PRKAG2: variants seen among roughly 807,000 people sequenced by gnomAD.
PRKAG2 encodes the protein protein kinase AMP-activated non-catalytic subunit gamma 2, also known as 5'-AMP-activated protein kinase subunit gamma-2.
PRKAG2 carries 26 observed loss-of-function variants against 69.6 expected under a neutral mutation model. The ratio of observed to expected loss-of-function variants is 0.37; its 90% CI spans 0.27 to 0.52. PRKAG2 has a LOEUF of 0.52. Among genes scored for constraint, PRKAG2 ranks in the 20% least tolerant of loss-of-function variants. The pLI, the probability that PRKAG2 is intolerant of heterozygous loss-of-function variation, is 0.90. For missense variants in PRKAG2, 557 were observed against 740.0 expected (o/e 0.75, Z 2.87); for synonymous variants, 293 against 285.0 (o/e 1.03, Z -0.28).
chr7:151,668,439 A>G (rs1229044582), intron 4 of PRKAG2, among the ~76,000 whole-genome samples: 1 of 152,246 alleles, frequency 6.6e-6, no homozygotes, highest in Non-Finnish European at 1.5e-5. Context: ...TGGCAAAAGA[A>G]GAGCATAGAG....
intron 1 of PRKAG2, among the ~76,000 whole-genome samples, chr7:151,832,110 T>A (rs1395434715): frequency 6.6e-6 from 1 of 152,198 alleles, no homozygotes; most frequent in East Asian, 1.9e-4. Context: ...CAGACTCTTC[T>A]GAGGCCTGGG....
chr7:151,669,048 A>C (rs1379147995), intron 4 of PRKAG2, among the ~76,000 whole-genome samples: 1 of 152,210 alleles, frequency 6.6e-6, no homozygotes, highest in East Asian at 1.9e-4. Context: ...CAAGTGCTTG[A>C]TGTGCTCCCA....
At chr7:151,612,527 C>G (rs991204827) in intron 5 of PRKAG2, among the ~76,000 whole-genome samples, 8 of 152,190 alleles carry the variant, frequency 5.3e-5, no homozygotes, top group Admixed American at 5.2e-4. Flanking sequence ...GTGAAGCAAC[C>G]TGGGGAACCC....
At chr7:151,617,127 G>C (rs1429462175) in intron 5 of PRKAG2, among the ~76,000 whole-genome samples, 1 of 151,958 alleles carries the variant, frequency 6.6e-6, no homozygotes, top group Admixed American at 6.6e-5. Flanking sequence ...CGGGCTTGGT[G>C]GTGGGTGCCT....
intron 3 of PRKAG2, among the ~76,000 whole-genome samples, chr7:151,707,944 C>T (rs893599856): frequency 2.6e-5 from 4 of 152,334 alleles, no homozygotes; most frequent in Non-Finnish European, 4.4e-5. Context: ...AGAGAACTCT[C>T]GGCCCAACCC....
intron 5 of PRKAG2, among the ~76,000 whole-genome samples, chr7:151,613,589 C>A (rs551568429): frequency 1.3e-5 from 2 of 151,984 alleles, no homozygotes; most frequent in African/African-American, 4.8e-5. Context: ...CCTCTGGCTT[C>A]TGGGTTCAAG....
chr7:151,646,273 G>A (rs1237435324), intron 4 of PRKAG2, among the ~76,000 whole-genome samples: 1 of 152,124 alleles, frequency 6.6e-6, no homozygotes, highest in Non-Finnish European at 1.5e-5. Context: ...GATCAATTTG[G>A]GAAGAAATGA....
At position 151,675,583 on chromosome 7, in the gene PRKAG2, G is replaced by A. The variant is rs148056866; in HGVS notation, c.521C>T (p.Thr174Met). ...STPTQVTKQH[T>M]FPLESYKHEP... is the part of the protein sequence containing the mutation. ...GTGCTTATAGGATTCCAGGGGAAAC[G>A]TGTGCTGCTTGGTCACTTGGGTGGG... The change falls in exon 4 of 16, where the codon ACG becomes ATG. Residue 174 changes from threonine to methionine, a missense_variant. Physicochemically the swap from Thr to Met is moderately conservative, Grantham distance 81 (BLOSUM62 -1). Transcript: ENST00000287878. The A allele has an allele frequency of 4.5e-5, 73 of 1,614,146 alleles. No individual in the cohort carries two copies. In the African/African-American group the frequency reaches 7.7e-4, roughly 17 times the overall value.
At chr7:151,744,552 T>A (rs2074143164) in intron 3 of PRKAG2, among the ~76,000 whole-genome samples, 1 of 152,210 alleles carries the variant, frequency 6.6e-6, no homozygotes, top group African/African-American at 2.4e-5. Flanking sequence ...GACTTCCAAT[T>A]ATATCAAAAC....
chr7:151,579,071 C>T (rs1472384284), intron 6 of PRKAG2, among the ~76,000 whole-genome samples: 1 of 152,052 alleles, frequency 6.6e-6, no homozygotes, highest in Non-Finnish European at 1.5e-5. Flanking sequence ...TATAGTGGTA[C>T]CTTGGCTCAT....
intron 2 of PRKAG2, among the ~76,000 whole-genome samples, chr7:151,783,034 G>A (rs1563665532): frequency 6.6e-6 from 1 of 152,230 alleles, no homozygotes; most frequent in South Asian, 2.1e-4. Context: ...GTGCCACTTC[G>A]GGGTCTCTCT....
intron 1 of PRKAG2, among the ~76,000 whole-genome samples, chr7:151,856,931 G>GGAAAGAAACAGAAAACGGTGAC (rs2079793949): frequency 1.3e-5 from 2 of 152,092 alleles, no homozygotes; most frequent in Non-Finnish European, 2.9e-5. Context: ...CAGAGAAAGA[G>GGAAAGAAACAGAAAACGGTGAC]GAAAGAAACA....
At chr7:151,818,823 G>A (rs1273376281) in intron 1 of PRKAG2, among the ~76,000 whole-genome samples, 1 of 152,196 alleles carries the variant, frequency 6.6e-6, no homozygotes, top group Non-Finnish European at 1.5e-5. Flanking sequence ...GAGATTGACT[G>A]GGCCTGGTGG....
In PRKAG2 at chr7:151,727,567, C is replaced by T. The variant is rs140988308; in HGVS notation, c.467-51930G>A. Among the ~76,000 whole-genome samples, 225 of 152,338 alleles carry T rather than the reference C, an allele frequency of 1.5e-3. 1 individual carries two copies. Among genetic ancestry groups the T allele is most frequent in the African/African-American group, 5.3e-3 (220 of 41,580 alleles). ...GCCTGCCTGGAGACGCAGGGGTTTG[C>T]TCCTTTTTTCTGTGCTGCCAACTGG... On this transcript the variant is annotated intron_variant, in intron 3 of 15. Transcript: ENST00000287878.
rs941921478 is a variant in PRKAG2, at chr7:151,867,687, C to T, written c.114+8820G>A. ...TTTTTTGGAGAATCCAATTCCATCG[C>T]ACTGTTCATCTTTGTGTCCTCGACA... On this transcript the variant is annotated intron_variant, in intron 1 of 15. Coordinates refer to ENST00000287878, the MANE Select transcript of PRKAG2 (RefSeq NM_016203.4). Among the ~76,000 whole-genome samples the T allele has an allele frequency of 7.2e-5, 11 of 152,256 alleles. No homozygotes were observed. The East Asian group carries it at 1.9e-3, about 27-fold the overall frequency.
At chr7:151,804,647 T>C (rs1476437284) in intron 1 of PRKAG2, among the ~76,000 whole-genome samples, 2 of 152,204 alleles carry the variant, frequency 1.3e-5, no homozygotes, top group Non-Finnish European at 2.9e-5. Flanking sequence ...ACCAACAGGC[T>C]ATTTTGTTCA....
At position 151,657,696 on chromosome 7, in the gene PRKAG2, T is replaced by A. The variant is rs55803145; in HGVS notation, c.684+17724A>T. ...CCATAACAGGCATCAACAAGTGGGT[T>A]TGAATCCAAGCCCCTACCTTCATAG... On this transcript the variant is annotated intron_variant, in intron 4 of 15. Transcript: ENST00000287878. Among the ~76,000 whole-genome samples the A allele has an allele frequency of 7.1e-3, 1,076 of 152,286 alleles. 7 individuals carry two copies. The highest frequency in any genetic ancestry group is 0.026 in the South Asian group (124 of 4,818).
rs534059998 is a variant in PRKAG2, at chr7:151,876,869, C to G, written c.-249G>C. 1.3e-4 allele frequency: 76 copies of G among 570,188 alleles called. No homozygotes were observed. The highest frequency in any genetic ancestry group is 2.2e-4 in the Non-Finnish European group (71 of 318,248). The allele number at this position is 570,188 out of a possible 1,614,324, so 35.3% of individuals were successfully genotyped here. A position where few individuals can be genotyped will look rare whatever the true frequency, so the allele number is the denominator to read the frequency against. On this transcript the variant is annotated 5_prime_UTR_variant, in exon 1 of 16. Coordinates refer to ENST00000287878, the MANE Select transcript of PRKAG2 (RefSeq NM_016203.4). Reference sequence around the variant, plus strand: ...AAATCAGTCAAAGCCCGTCCCGGTTCTGGTGTCTCCCCGGGTTACTCGTGG... The same window carrying G: ...AAATCAGTCAAAGCCCGTCCCGGTTGTGGTGTCTCCCCGGGTTACTCGTGG...
intron 5 of PRKAG2, among the ~76,000 whole-genome samples, chr7:151,604,412 G>A (rs1022039252): frequency 2.0e-5 from 3 of 152,202 alleles, no homozygotes; most frequent in African/African-American, 7.2e-5. Context: ...CGAGGCAGGA[G>A]GAGCCCTGGA....
Sources: gnomAD v4.1 joint callset for allele counts (sites outside exome capture counted in the v4.1 genomes callset) on GRCh38, gnomAD v4.1.1 for gene constraint, MANE v1.5 for transcripts, NCBI Gene and HGNC (gene_info 2026-07-23, HGNC 2026-07-21) for gene names.